The following PRKCH variants were observed in gnomAD, a reference collection of about 807,000 sequenced individuals.
PRKCH encodes protein kinase C eta.
A neutral mutation model predicts 82.5 loss-of-function variants in PRKCH; 28 were observed. That is an observed-to-expected ratio of 0.34 (90% CI 0.25 to 0.47). The LOEUF is 0.47. PRKCH is among the 20% of genes least tolerant of loss of function. The probability of loss-of-function intolerance (pLI) is 1.00; values close to 1 mark genes in which losing one functional copy is unlikely to be tolerated. For missense variants in PRKCH, 705 were observed against 881.8 expected, an observed-to-expected ratio of 0.80 and a Z score of 2.54; for synonymous variants, 322 against 327.4, an observed-to-expected ratio of 0.98 and a Z score of 0.18.
intron 12 of PRKCH, chr14:61,544,257 C>T (rs376141030): frequency 1.3e-5 from 2 of 152,160 alleles, no homozygotes; most frequent in African/African-American, 4.8e-5. Flanking sequence ...AAAGCAGAAG[C>T]CCCTGCTCAA....
chr14:61,466,234 A>G (rs1304933295), intron 9 of PRKCH, among the ~76,000 whole-genome samples: 1 of 152,154 alleles, frequency 6.6e-6, no homozygotes, highest in Non-Finnish European at 1.5e-5. Context: ...TTTCTTCAAC[A>G]ATGGGGGTAG....
intron 1 of PRKCH, among the ~76,000 whole-genome samples, chr14:61,315,690 T>C (rs1416054861): frequency 6.6e-6 from 1 of 152,180 alleles, no homozygotes; most frequent in Non-Finnish European, 1.5e-5. Flanking sequence ...TTTGTATACA[T>C]ATTTTTTGTA....
At chr14:61,423,408 C>T (rs1957890) in intron 2 of PRKCH, among the ~76,000 whole-genome samples, 150,389 of 152,324 alleles carry the variant, frequency 0.99, 74,271 homozygotes, top group Middle Eastern at 1. Flanking sequence ...AGTTGAATGA[C>T]TGTGCCAGAT....
intron 1 of PRKCH, among the ~76,000 whole-genome samples, chr14:61,235,567 T>C (rs1011204897): frequency 6.6e-6 from 1 of 152,166 alleles, no homozygotes; most frequent in African/African-American, 2.4e-5. Flanking sequence ...TTCCCTTCTG[T>C]TTTACAGTAC....
At chr14:61,256,415 C>T (rs186741965) in intron 1 of PRKCH, among the ~76,000 whole-genome samples, 79 of 152,300 alleles carry the variant, frequency 5.2e-4, no homozygotes, top group Non-Finnish European at 7.3e-4. Flanking sequence ...TGAAGCCCAC[C>T]GCCTGTGGGG....
intron 1 of PRKCH, among the ~76,000 whole-genome samples, chr14:61,339,196 T>C (rs1171295306): frequency 6.6e-6 from 1 of 151,966 alleles, no homozygotes; most frequent in African/African-American, 2.4e-5. Flanking sequence ...TGGGATGAGC[T>C]GGCCTCCTGT....
chr14:61,450,516 G>A (rs1316948332), intron 5 of PRKCH, among the ~76,000 whole-genome samples: 7 of 152,198 alleles, frequency 4.6e-5, no homozygotes, highest in Non-Finnish European at 1.0e-4. Context: ...AAGGTTCTGG[G>A]AAATAGATGG....
chr14:61,196,642 A>G (rs902419085), intron 1 of PRKCH, among the ~76,000 whole-genome samples: 1 of 152,206 alleles, frequency 6.6e-6, no homozygotes. Context: ...TCTATACCAA[A>G]GAAGGTGAAA....
chr14:61,362,390 C>T (rs930130019), intron 1 of PRKCH, among the ~76,000 whole-genome samples: 6 of 148,128 alleles, frequency 4.1e-5, no homozygotes, highest in African/African-American at 1.5e-4. Context: ...AATGGGGAGA[C>T]TAGGAAATTC....
chr14:61,412,655 G>C (rs1455628456), intron 2 of PRKCH, among the ~76,000 whole-genome samples: 1 of 152,132 alleles, frequency 6.6e-6, no homozygotes, highest in African/African-American at 2.4e-5. Context: ...TGGACCCATG[G>C]CATATAAATT....
At chr14:61,467,483 G>A (rs1190740673) in intron 9 of PRKCH, among the ~76,000 whole-genome samples, 1 of 152,242 alleles carries the variant, frequency 6.6e-6, no homozygotes, top group Non-Finnish European at 1.5e-5. Context: ...GCCGCTGGAT[G>A]TGGGGAGGAG....
intron 2 of PRKCH, among the ~76,000 whole-genome samples, chr14:61,395,215 T>C (rs1395414263): frequency 6.6e-6 from 1 of 151,628 alleles, no homozygotes; most frequent in Non-Finnish European, 1.5e-5. Flanking sequence ...TGCTGCTGCC[T>C]TTAAAACACC....
At chr14:61,218,960 C>T (rs183163424) in intron 1 of PRKCH, among the ~76,000 whole-genome samples, 24 of 152,334 alleles carry the variant, frequency 1.6e-4, no homozygotes, top group Admixed American at 2.6e-4. Context: ...AGGCTTCCAC[C>T]GCAGCCTTGG....
intron 1 of PRKCH, among the ~76,000 whole-genome samples, chr14:61,250,081 G>A (rs2044929810): frequency 0.012 from 1 of 82 alleles, no homozygotes; most frequent in South Asian, 0.25. Flanking sequence ...CCAACATGGT[G>A]AAACCCCATC....
chr14:61,254,510 G>A (rs1225515763), intron 1 of PRKCH, among the ~76,000 whole-genome samples: 8 of 152,140 alleles, frequency 5.3e-5, no homozygotes, highest in Admixed American at 5.2e-4. Context: ...CAGCTACTCG[G>A]GAGGCTGAGA....
chr14:61,316,955 G>A (rs2045566302), upstream of PRKCH, among the ~76,000 whole-genome samples: 1 of 152,222 alleles, frequency 6.6e-6, no homozygotes, highest in Non-Finnish European at 1.5e-5. Flanking sequence ...GGGAAGGAAG[G>A]AGACAAAAAG....
intron 1 of PRKCH, among the ~76,000 whole-genome samples, chr14:61,222,100 AGAGT>A (rs1481570682): frequency 5.3e-5 from 8 of 152,082 alleles, no homozygotes; most frequent in Admixed American, 3.3e-4. Context: ...CTGAAAAAAC[AGAGT>A]CTGTAAAGTG....
At chr14:61,253,130 T>C (rs998611609) in intron 1 of PRKCH, among the ~76,000 whole-genome samples, 4 of 152,234 alleles carry the variant, frequency 2.6e-5, no homozygotes, top group Non-Finnish European at 4.4e-5. Flanking sequence ...ATATATGTTT[T>C]TTTAGGTTTC....
chr14:61,352,977 G>A (rs1240522782), intron 1 of PRKCH, among the ~76,000 whole-genome samples: 1 of 152,198 alleles, frequency 6.6e-6, no homozygotes, highest in Non-Finnish European at 1.5e-5. Context: ...GGTGGCATCT[G>A]TAATCAAAAA....
Sources: allele counts gnomAD v4.1 joint callset (sites outside exome capture counted in the v4.1 genomes callset), GRCh38; gene constraint gnomAD v4.1.1; transcripts MANE v1.5; gene names NCBI Gene and HGNC (gene_info 2026-07-23, HGNC 2026-07-21).